The following CLIP1 variants were observed in gnomAD, a reference collection of about 807,000 sequenced individuals.
CLIP1 encodes CAP-Gly domain containing linker protein 1.
CLIP1 carries 66 observed loss-of-function variants against 161.6 expected under a neutral mutation model. The observed-to-expected ratio is 0.41, with a 90% CI of 0.33 to 0.50. The LOEUF (loss-of-function observed/expected upper bound fraction) is 0.50, where lower values mean the gene tolerates loss of function less well. CLIP1 is among the 20% of genes least tolerant of loss of function. The probability of loss-of-function intolerance (pLI) is 0.27; values close to 1 mark genes in which losing one functional copy is unlikely to be tolerated. For missense variants in CLIP1, 1,376 were observed against 1,702.0 expected, an observed-to-expected ratio of 0.81 and a Z score of 3.37; for synonymous variants, 598 against 626.2, an observed-to-expected ratio of 0.96 and a Z score of 0.67.
chr12:122,380,781 T>C (rs774766212), intron 1 of CLIP1, among the ~76,000 whole-genome samples: 1 of 151,990 alleles, frequency 6.6e-6, no homozygotes, highest in Non-Finnish European at 1.5e-5. Context: ...CCAGGTGCCA[T>C]GACCCACTCC....
chr12:122,386,992 G>A (rs1955302592), intron 1 of CLIP1, among the ~76,000 whole-genome samples: 1 of 152,114 alleles, frequency 6.6e-6, no homozygotes, highest in African/African-American at 2.4e-5. Flanking sequence ...CCAAGCTCAA[G>A]TGATTCTCCC....
Position 122,320,594 on chromosome 12 carries a change from C to T in CLIP1, c.3250-1246G>A, listed in dbSNP as rs149291333. Among the ~76,000 whole-genome samples, 1,483 of 151,670 alleles carry T rather than the reference C, an allele frequency of 9.8e-3. 38 individuals carry two copies. Among genetic ancestry groups the T allele is most frequent in the African/African-American group, 0.028 (1,171 of 41,398 alleles). ...CAAAGCTTAGCCGGGTGTGGCAGCA[C>T]GCACCTGTAGTCCCAGCTACTCAAG... is the stretch of plus-strand genomic sequence containing the variant. On this transcript the variant is annotated intron_variant, in intron 17 of 25. Coordinates refer to ENST00000620786, the MANE Select transcript of CLIP1 (RefSeq NM_001247997.2).
rs1952481691 is a variant in CLIP1 at position 122,341,232 on chromosome 12, C to G, written c.1972G>C (p.Glu658Gln). The change falls in exon 11 of 26, where the codon GAA (glutamate) becomes CAA (glutamine). Residue 658 changes from glutamate (E) to glutamine (Q), a missense_variant. This residue lies in a region of CLIP1 where 948 missense variants were observed against 1,134.8 expected (regional missense o/e 0.84). Transcript: ENST00000620786. The stretch of plus-strand genomic sequence containing the variant: ...ATTTTCTCTATTTGTGTTTTTAGTT[C>G]AGCAAATTCTGCCGTCTCTGTTCCA... ...GLGTETAEFA[E>Q]LKTQIEKMRL... 2 of 1,613,916 alleles carry G rather than the reference C, an allele frequency of 1.2e-6. No homozygotes were observed. Among genetic ancestry groups the G allele is most frequent in the South Asian group, 2.2e-5 (2 of 91,070 alleles).
chr12:122,355,480 C>CT lies in CLIP1; in HGVS notation c.1006-169_1006-168insA, dbSNP rs1953291501. The CT allele has an allele frequency of 1.6e-6, 1 of 607,582 alleles. No individual in the cohort carries two copies. Among genetic ancestry groups the CT allele is most frequent in the Non-Finnish European group, 2.9e-6 (1 of 340,410 alleles). 37.6% of individuals were successfully genotyped at this position (607,582 alleles called of 1,614,324 possible). A position where few individuals can be genotyped will look rare whatever the true frequency, so the allele number is the denominator to read the frequency against. On this transcript the variant is annotated intron_variant, in intron 5 of 25. Coordinates refer to ENST00000620786, the MANE Select transcript of CLIP1 (RefSeq NM_001247997.2). This position sits in a 1 kb window ranked among gnomAD's most constrained non-coding sequence, Gnocchi z 4.1. Reference sequence around the variant, plus strand: ...CCTCAAAAACACAAGACAGTGTGTGCCTTCTGTCTATAAATCTCACAAAGA... The same window carrying CT: ...CCTCAAAAACACAAGACAGTGTGTGCTCTTCTGTCTATAAATCTCACAAAGA...
At chr12:122,317,328 ATTAT>A (rs1291302053) in intron 18 of CLIP1, among the ~76,000 whole-genome samples, 1 of 152,240 alleles carries the variant, frequency 6.6e-6, no homozygotes, top group African/African-American at 2.4e-5. Context: ...CATTACAAAA[ATTAT>A]TTATTTGAAT....
At chr12:122,391,951 T>C (rs1275078185) in intron 1 of CLIP1, among the ~76,000 whole-genome samples, 3 of 152,158 alleles carry the variant, frequency 2.0e-5, no homozygotes, top group African/African-American at 7.2e-5. Context: ...TCACTACACA[T>C]TATTTGAACA....
intron 10 of CLIP1, chr12:122,343,501 C>T (rs1952604986): frequency 1.3e-5 from 2 of 152,158 alleles, no homozygotes; most frequent in African/African-American, 4.8e-5. Flanking sequence ...AAGAATCTTA[C>T]ACAAAATCCC....
chr12:122,279,082 T>A lies in CLIP1; in HGVS notation c.3711A>T (p.Ile1237=). The change falls in exon 22 of 26, where the codon ATA becomes ATT. Residue 1237 remains isoleucine, a synonymous_variant. Coordinates refer to ENST00000620786, the MANE Select transcript of CLIP1 (RefSeq NM_001247997.2). This position sits in a 1 kb window ranked among gnomAD's most constrained non-coding sequence, Gnocchi z 4.5. ...CCTTTTCTGTGAGTAAGGCACTAGT[T>A]ATACTGATGGATTTCTGCAAGGAAG... ...EKASLQKSIS[I]TSALLTEKDA... is the part of the protein sequence containing the mutation. 6.2e-7 allele frequency: 1 copy of A among 1,613,536 alleles called. No individual in the cohort carries two copies.
At chr12:122,360,292 GC>G (rs1315948509) in intron 5 of CLIP1, among the ~76,000 whole-genome samples, 3 of 152,030 alleles carry the variant, frequency 2.0e-5, no homozygotes, top group Non-Finnish European at 4.4e-5. Flanking sequence ...AGAAAGAGAG[GC>G]TGGGAGCAGT....
chr12:122,307,235 C>T (rs1950911038), intron 20 of CLIP1, among the ~76,000 whole-genome samples: 1 of 152,008 alleles, frequency 6.6e-6, no homozygotes, highest in African/African-American at 2.4e-5. Context: ...TCTCGAACTC[C>T]TGACCTCATG....
intron 11 of CLIP1, among the ~76,000 whole-genome samples, chr12:122,339,234 T>C (rs1952379795): frequency 6.6e-6 from 1 of 152,196 alleles, no homozygotes; most frequent in Admixed American, 6.5e-5. Context: ...CAGATCATGT[T>C]CTCATTATGC....
intron 3 of CLIP1, among the ~76,000 whole-genome samples, chr12:122,370,084 G>C (rs1302391002): frequency 6.6e-6 from 1 of 151,236 alleles, no homozygotes; most frequent in African/African-American, 2.4e-5. Flanking sequence ...AATTGCTTGA[G>C]CCCTGTAGGC....
chr12:122,362,273 A>T (rs1307821713), intron 4 of CLIP1, among the ~76,000 whole-genome samples: 1 of 151,654 alleles, frequency 6.6e-6, no homozygotes, highest in Non-Finnish European at 1.5e-5. Flanking sequence ...TACTTTTTTT[A>T]ATTAAAAAAA....
In CLIP1 at chr12:122,363,566, C is replaced by T. The variant is rs773882103; in HGVS notation, c.782+417G>A. On this transcript the variant is annotated intron_variant, in intron 4 of 25. Coordinates refer to ENST00000620786, the MANE Select transcript of CLIP1 (RefSeq NM_001247997.2). ...TCCGCTTGGCGGTCTGTTCTCCTGC[C>T]GCAGGATGGAATTCTCATCAAATAT... 2.0e-5 allele frequency among the ~76,000 whole-genome samples: 3 copies of T among 151,950 alleles called. No individual in the cohort carries two copies. The East Asian group carries it at 5.8e-4, about 29-fold the overall frequency.
intron 1 of CLIP1, among the ~76,000 whole-genome samples, chr12:122,416,280 A>G (rs1489020955): frequency 8.5e-5 from 13 of 152,204 alleles, no homozygotes; most frequent in Admixed American, 6.6e-4. Context: ...TATACACTCA[A>G]TAGCACATCT....
In CLIP1 at chr12:122,408,874, C is replaced by T. The variant is rs576352062; in HGVS notation, c.-107+13647G>A. Among the ~76,000 whole-genome samples the T allele has an allele frequency of 1.9e-3, 282 of 152,156 alleles. 6 individuals carry two copies. The highest frequency in any genetic ancestry group is 0.011 in the South Asian group (55 of 4,814). Reference sequence around the variant, plus strand: ...CTCCACTCTGTCACCCAGGGTGGCACGATCTTGGCTCACTGCAACCTCCGC... The same window carrying T: ...CTCCACTCTGTCACCCAGGGTGGCATGATCTTGGCTCACTGCAACCTCCGC... On this transcript the variant is annotated intron_variant, in intron 1 of 25. Transcript: ENST00000620786.
rs71082962 is a variant in CLIP1, at chr12:122,299,612, C to CAAAAAAAAAAAAAAAAAAAAAA, written c.3594+10149_3594+10150insTTTTTTTTTTTTTTTTTTTTTT. Among the ~76,000 whole-genome samples, 87 of 62,496 alleles carry CAAAAAAAAAAAAAAAAAAAAAA rather than the reference C, an allele frequency of 1.4e-3. 15 individuals carry two copies. The highest frequency in any genetic ancestry group is 5.1e-3 in the African/African-American group (73 of 14,326). The allele number at this position is 62,496 out of a possible 152,430, so 41.0% of individuals were successfully genotyped here. ...TTTTGTTTTTAAAGAATAAATTCAG[C>CAAAAAAAAAAAAAAAAAAAAAA]AAAAAAAAAAAAAAAAAAAAGATGC... On this transcript the variant is annotated intron_variant, in intron 20 of 25. Coordinates refer to ENST00000620786, the MANE Select transcript of CLIP1 (RefSeq NM_001247997.2).
At chr12:122,380,212 C>A (rs1475242850) in intron 2 of CLIP1, among the ~76,000 whole-genome samples, 156 bp downstream of exon 2, 1 of 150,634 alleles carries the variant, frequency 6.6e-6, no homozygotes, top group African/African-American at 2.4e-5. Flanking sequence ...CACTGCACTC[C>A]AGCCTGGGTG....
intron 1 of CLIP1, among the ~76,000 whole-genome samples, 173 bp downstream of exon 1, chr12:122,422,348 G>A (rs1351976149): frequency 1.3e-5 from 2 of 151,656 alleles, no homozygotes; most frequent in Admixed American, 1.3e-4. Context: ...CCGGCCACCC[G>A]AGACTCCCGC....
Sources: allele counts gnomAD v4.1 joint callset (sites outside exome capture counted in the v4.1 genomes callset), GRCh38; gene constraint gnomAD v4.1.1; regional missense constraint gnomAD v4.1.1; non-coding constraint Gnocchi (gnomAD v3.1); transcripts MANE v1.5; gene names NCBI Gene and HGNC (gene_info 2026-07-23, HGNC 2026-07-21).